The following TTC39B variants were observed in gnomAD, a reference collection of about 807,000 sequenced individuals.
TTC39B encodes the protein tetratricopeptide repeat domain 39B.
TTC39B carries 92 observed loss-of-function variants against 96.6 expected under a neutral mutation model. The observed-to-expected ratio is 0.95, with a 90% CI of 0.80 to 1.13. TTC39B has a LOEUF of 1.13. TTC39B is among the 50% of genes most tolerant of loss of function. The probability of loss-of-function intolerance (pLI) is 0.00; values close to 1 mark genes in which losing one functional copy is unlikely to be tolerated. For synonymous variants in TTC39B, 367 were observed against 299.4 expected, an observed-to-expected ratio of 1.23 and a Z score of -2.33; for missense variants, 955 against 809.3, an observed-to-expected ratio of 1.18 and a Z score of -2.18.
chr9:15,299,582 A>G (rs377319259), intron 1 of TTC39B, among the ~76,000 whole-genome samples: 63 of 152,232 alleles, frequency 4.1e-4, no homozygotes, highest in Middle Eastern at 3.4e-3. Context: ...AGGCTCAAAA[A>G]AGGAAAATCT....
At chr9:15,199,671 CTTGCAGTGAGCCGAGA>C (rs1378783146) in intron 8 of TTC39B, among the ~76,000 whole-genome samples, 174 bp downstream of exon 8, 1 of 125,292 alleles carries the variant, frequency 8.0e-6, no homozygotes, top group Non-Finnish European at 1.6e-5. Flanking sequence ...AGAGGCGGAG[CTTGCAGTGAGCCGAGA>C]TTGCGCCACT....
At chr9:15,197,422 A>G (rs1819234519) in intron 8 of TTC39B, among the ~76,000 whole-genome samples, 3 of 152,218 alleles carry the variant, frequency 2.0e-5, no homozygotes, top group Admixed American at 6.5e-5. Flanking sequence ...AGTTTTGTGA[A>G]AGGATTTTCA....
intron 7 of TTC39B, 58 bp downstream of exon 7, chr9:15,203,765 C>T: frequency 7.1e-7 from 1 of 1,415,206 alleles, no homozygotes; most frequent in Non-Finnish European, 9.8e-7. Flanking sequence ...CCACATTTTT[C>T]TATGCAGCAC....
At chr9:15,286,847 G>A (rs1158568937) in intron 1 of TTC39B, among the ~76,000 whole-genome samples, 2 of 151,876 alleles carry the variant, frequency 1.3e-5, no homozygotes, top group Non-Finnish European at 2.9e-5. Flanking sequence ...ACTTTCTATG[G>A]CCCGTAATAC....
chr9:15,177,788 C>A lies in TTC39B; in HGVS notation c.1750G>T (p.Glu584Ter). ...CCTTTAAGTAACTTCACTAAGCACT[C>A]ATCATCCACAGAGAAGCTGTTAAAA... The change falls in exon 18 of 20, where the codon GAG becomes TAG. Residue 584 changes from glutamate to a stop codon, truncating the protein, a stop_gained. Coordinates refer to ENST00000512701, the Ensembl canonical transcript of TTC39B. LOFTEE classifies it high-confidence loss of function. 1 of 1,608,898 alleles carries A rather than the reference C, an allele frequency of 6.2e-7. No individual in the cohort carries two copies. Among genetic ancestry groups the A allele is most frequent in the Non-Finnish European group, 8.5e-7 (1 of 1,177,542 alleles).
chr9:15,182,473 T>C, intron 16 of TTC39B, 58 bp from the exon 17 acceptor site: 3 of 1,178,458 alleles, frequency 2.5e-6, no homozygotes, highest in Middle Eastern at 2.6e-4. Flanking sequence ...ATGTCCTTTA[T>C]GATCCCCAAA....
intron 1 of TTC39B, among the ~76,000 whole-genome samples, chr9:15,282,741 G>T (rs1823813657): frequency 6.6e-6 from 1 of 152,084 alleles, no homozygotes; most frequent in Non-Finnish European, 1.5e-5. Context: ...GTTTACATAT[G>T]ATGAAACTGG....
At chr9:15,238,238 C>T (rs773039069) in intron 2 of TTC39B, among the ~76,000 whole-genome samples, 1 of 152,114 alleles carries the variant, frequency 6.6e-6, no homozygotes, top group Non-Finnish European at 1.5e-5. Context: ...TCTTATTCAA[C>T]ATAATACTGG....
chr9:15,292,031 C>T (rs972761352), intron 1 of TTC39B, among the ~76,000 whole-genome samples: 1 of 152,204 alleles, frequency 6.6e-6, no homozygotes, highest in Non-Finnish European at 1.5e-5. Flanking sequence ...AATCCTTATT[C>T]GTGGCCATTA....
Position 15,292,686 on chromosome 9 carries a change from C to G in TTC39B, c.240+14398G>C, listed in dbSNP as rs115928702. 3.0e-3 allele frequency among the ~76,000 whole-genome samples: 457 copies of G among 152,106 alleles called. 2 individuals carry two copies. Among genetic ancestry groups the G allele is most frequent in the African/African-American group, 0.01 (433 of 41,476 alleles). On this transcript the variant is annotated intron_variant, in intron 1 of 19. Coordinates refer to ENST00000512701, the Ensembl canonical transcript of TTC39B. ...GATCCTTACCCTATGTAGGCCCAGG[C>G]TAATCTGTGTGTTTATGTCTTAGTT...
In TTC39B at chr9:15,244,269, A is replaced by G. The variant is rs191558213; in HGVS notation, c.276-18257T>C. 1.7e-3 allele frequency among the ~76,000 whole-genome samples: 258 copies of G among 152,276 alleles called. 2 individuals carry two copies. The highest frequency in any genetic ancestry group is 6.1e-3 in the African/African-American group (255 of 41,542). On this transcript the variant is annotated intron_variant, in intron 2 of 19. Coordinates refer to ENST00000512701, the Ensembl canonical transcript of TTC39B. Reference sequence around the variant, plus strand: ...TTTCTGACTGAAAACTTCTTACCTAATCTATGAATTATCCTCTCTTACCAC... The same window carrying G: ...TTTCTGACTGAAAACTTCTTACCTAGTCTATGAATTATCCTCTCTTACCAC...
chr9:15,182,846 T>G (rs1370210163), intron 16 of TTC39B, among the ~76,000 whole-genome samples: 1 of 152,336 alleles, frequency 6.6e-6, no homozygotes, highest in African/African-American at 2.4e-5. Flanking sequence ...AATATTTCAC[T>G]GGGCTTAGGA....
Position 15,306,935 on chromosome 9 carries a change from C to A in TTC39B, c.240+149G>T. ...CCAGCGGGGACAGACCTACCAAGGC[C>A]GGGCGCCCCCACCCGGCGCCCGCCA... On this transcript the variant is annotated intron_variant, in intron 1 of 19. Coordinates refer to ENST00000512701, the Ensembl canonical transcript of TTC39B. This position sits in a 1 kb window ranked among gnomAD's most constrained non-coding sequence, Gnocchi z 5.1. 1.8e-6 allele frequency: 2 copies of A among 1,121,490 alleles called. No individual in the cohort carries two copies. The highest frequency in any genetic ancestry group is 2.5e-6 in the Non-Finnish European group (2 of 803,314). The allele number at this position is 1,121,490 out of a possible 1,614,324, so 69.5% of individuals were successfully genotyped here.
At chr9:15,200,271 T>G (rs924429039) in intron 7 of TTC39B, among the ~76,000 whole-genome samples, 2 of 152,218 alleles carry the variant, frequency 1.3e-5, no homozygotes, top group Non-Finnish European at 1.5e-5. Context: ...TTTAACAGAA[T>G]GTAAAATGGA....
intron 3 of TTC39B, among the ~76,000 whole-genome samples, chr9:15,215,010 T>C (rs1820429060): frequency 1.3e-5 from 2 of 152,174 alleles, no homozygotes; most frequent in Non-Finnish European, 2.9e-5. Context: ...GCCCGGCACT[T>C]TAGGAGACTG....
intron 1 of TTC39B, among the ~76,000 whole-genome samples, chr9:15,288,346 A>G (rs957709407): frequency 6.6e-6 from 1 of 152,178 alleles, no homozygotes; most frequent in African/African-American, 2.4e-5. Flanking sequence ...CCTATCCTGT[A>G]CCCATATAAA....
At position 15,199,635 on chromosome 9, in the gene TTC39B, T is replaced by G. The variant is rs576375352; in HGVS notation, c.824+226A>C. ...CTGTAGTCCCAGCTACTCGGGAGGA[T>G]GAGGCAGGAGAATGGCGTGAACCTG... On this transcript the variant is annotated intron_variant, in intron 8 of 19. Transcript: ENST00000512701. 1.7e-4 allele frequency among the ~76,000 whole-genome samples: 24 copies of G among 143,698 alleles called. No individual in the cohort carries two copies. In the Admixed American group the frequency reaches 1.7e-3, roughly 10 times the overall value. The allele number at this position is 143,698 out of a possible 152,430, so 94.3% of individuals were successfully genotyped here. A position where few individuals can be genotyped will look rare whatever the true frequency, so the allele number is the denominator to read the frequency against.
At chr9:15,217,036 G>A (rs777506066) in intron 3 of TTC39B, among the ~76,000 whole-genome samples, 1 of 152,178 alleles carries the variant, frequency 6.6e-6, no homozygotes, top group Admixed American at 6.5e-5. Context: ...TGGAGCCAGC[G>A]ATGGGAATAT....
chr9:15,173,771 T>G (rs565873472), intron 19 of TTC39B, among the ~76,000 whole-genome samples: 1 of 152,318 alleles, frequency 6.6e-6, no homozygotes, highest in South Asian at 2.1e-4. Context: ...AGCCCTGACC[T>G]TATCACTGAA....
Sources: gnomAD v4.1 joint callset for allele counts (sites outside exome capture counted in the v4.1 genomes callset) on GRCh38, gnomAD v4.1.1 for gene constraint, Gnocchi (gnomAD v3.1) non-coding constraint, MANE v1.5 for transcripts, NCBI Gene and HGNC (gene_info 2026-07-23, HGNC 2026-07-21) for gene names.